Variants in TEC observed in about 807,000 individuals in gnomAD.
TEC encodes tec protein tyrosine kinase.
Under a neutral mutation model 93.0 loss-of-function variants are expected in TEC, and 72 were observed. That is an observed-to-expected ratio of 0.77 (90% confidence interval 0.64 to 0.94). The LOEUF (loss-of-function observed/expected upper bound fraction) is 0.94, where lower values mean the gene tolerates loss of function less well. Among genes scored for constraint, TEC ranks in the 40% least tolerant of loss-of-function variants. TEC has a pLI of 0.00. For synonymous variants in TEC, 249 were observed against 247.7 expected (o/e 1.01, Z -0.05); for missense variants, 630 against 757.9 (o/e 0.83, Z 1.98).
chr4:48,161,106 G>A (rs1022494107), intron 8 of TEC, among the ~76,000 whole-genome samples: 2 of 152,094 alleles, frequency 1.3e-5, no homozygotes, highest in African/African-American at 4.8e-5. Context: ...GAAGAGGTTT[G>A]AGGGCATTTC....
intron 1 of TEC, among the ~76,000 whole-genome samples, chr4:48,261,197 A>G (rs12510449): frequency 6.6e-6 from 1 of 151,956 alleles, no homozygotes; most frequent in Non-Finnish European, 1.5e-5. Context: ...TAAGTATGTG[A>G]CAAAGACACT....
At chr4:48,260,679 A>AC (rs1724478301) in intron 1 of TEC, among the ~76,000 whole-genome samples, 9 of 152,224 alleles carry the variant, frequency 5.9e-5, no homozygotes, top group Admixed American at 4.6e-4. Flanking sequence ...CCGTATGCTA[A>AC]CATGACAGAA....
rs546488170 is a variant in TEC, at chr4:48,197,087, G to A, written c.139-20901C>T. Among the ~76,000 whole-genome samples, 14 of 152,302 alleles carry A rather than the reference G, an allele frequency of 9.2e-5. No homozygotes were observed. The South Asian group carries it at 2.1e-3, about 23-fold the overall frequency. On this transcript the variant is annotated intron_variant, in intron 2 of 17. Coordinates refer to ENST00000381501, the MANE Select transcript of TEC (RefSeq NM_003215.3). The stretch of plus-strand genomic sequence containing the variant: ...TAATGTTACAAAGACATATTTTGCC[G>A]GTTTGTCAGGCTGTCTTGACGGCTA...
chr4:48,142,694 A>G (rs913261304), intron 14 of TEC, among the ~76,000 whole-genome samples: 5 of 151,936 alleles, frequency 3.3e-5, no homozygotes, highest in Admixed American at 3.3e-4. Context: ...TTAATTTTTT[A>G]TTTTTGAAAC....
intron 1 of TEC, among the ~76,000 whole-genome samples, chr4:48,268,198 A>C (rs957345227): frequency 2.3e-4 from 35 of 152,352 alleles, no homozygotes; most frequent in African/African-American, 7.9e-4. Context: ...AAAATGCTAG[A>C]GCATACATTA....
chr4:48,206,820 A>G (rs1267704443), intron 2 of TEC, among the ~76,000 whole-genome samples: 1 of 151,208 alleles, frequency 6.6e-6, no homozygotes, highest in Non-Finnish European at 1.5e-5. Flanking sequence ...TTAGTTGGGC[A>G]CGGTGATATG....
chr4:48,203,577 T>C (rs757826889), intron 2 of TEC, among the ~76,000 whole-genome samples: 18 of 152,032 alleles, frequency 1.2e-4, no homozygotes, highest in Non-Finnish European at 1.6e-4. Context: ...TGGGGTCAGG[T>C]GCAGGAAACT....
intron 2 of TEC, among the ~76,000 whole-genome samples, chr4:48,224,410 C>T (rs1325330899): frequency 3.3e-5 from 5 of 151,958 alleles, no homozygotes; most frequent in African/African-American, 1.2e-4. Context: ...GATCAAACTC[C>T]AGTGCTGCTC....
Position 48,149,479 on chromosome 4 carries a change from G to C in TEC, c.1006+78C>G, listed in dbSNP as rs142685683. 8,383 of 1,367,854 alleles carry C rather than the reference G, an allele frequency of 6.1e-3. 37 individuals carry two copies. Among genetic ancestry groups the C allele is most frequent in the Middle Eastern group, 0.015 (68 of 4,412 alleles). The allele number at this position is 1,367,854 out of a possible 1,614,324, so 84.7% of individuals were successfully genotyped here. ...AATGAACTAACTATAAAATAAAACT[G>C]CTCAAGGAATTAATCACAGTATCTG... On this transcript the variant is annotated intron_variant, in intron 11 of 17. Coordinates refer to ENST00000381501, the MANE Select transcript of TEC (RefSeq NM_003215.3).
intron 3 of TEC, among the ~76,000 whole-genome samples, chr4:48,172,775 G>A (rs1181527060): frequency 2.0e-5 from 3 of 152,164 alleles, no homozygotes; most frequent in Non-Finnish European, 4.4e-5. Context: ...ATATCAGAGC[G>A]ATAAAGTGCT....
intron 1 of TEC, among the ~76,000 whole-genome samples, chr4:48,240,464 G>A (rs1723896548): frequency 6.6e-6 from 1 of 152,062 alleles, no homozygotes. Context: ...ACCTTCCAAT[G>A]GTCCCGGTGA....
At chr4:48,179,550 A>C (rs1292641860) in intron 2 of TEC, among the ~76,000 whole-genome samples, 1 of 151,128 alleles carries the variant, frequency 6.6e-6, no homozygotes, top group Non-Finnish European at 1.5e-5. Flanking sequence ...CACCACGCCC[A>C]GCTAAATTTT....
chr4:48,165,380 A>G (rs1296498723), intron 7 of TEC, among the ~76,000 whole-genome samples: 2 of 152,248 alleles, frequency 1.3e-5, no homozygotes, highest in Non-Finnish European at 2.9e-5. Flanking sequence ...CTGGTATATG[A>G]GGCAGTTCTT....
chr4:48,184,933 T>C (rs555105549), intron 2 of TEC, among the ~76,000 whole-genome samples: 6 of 152,302 alleles, frequency 3.9e-5, no homozygotes, highest in Non-Finnish European at 8.8e-5. Flanking sequence ...TCACGACAAT[T>C]TGTATTTAGT....
intron 3 of TEC, 127 bp from the exon 4 acceptor site, chr4:48,171,576 T>A (rs1378998187): frequency 4.8e-6 from 3 of 620,004 alleles, no homozygotes; most frequent in East Asian, 3.0e-5. Context: ...AATAACTTCA[T>A]ATCCAGAAAA....
chr4:48,149,324 T>C (rs1720059956), intron 11 of TEC, among the ~76,000 whole-genome samples: 1 of 152,204 alleles, frequency 6.6e-6, no homozygotes, highest in African/African-American at 2.4e-5. Context: ...ACATTTACTA[T>C]ATACCACTGG....
intron 2 of TEC, among the ~76,000 whole-genome samples, chr4:48,189,084 AG>A (rs1404841403): frequency 2.6e-5 from 4 of 152,232 alleles, no homozygotes; most frequent in Admixed American, 2.0e-4. Context: ...ATTGTGTCTA[AG>A]GAAAAAAACA....
chr4:48,159,886 G>A (rs1046826445), intron 8 of TEC, among the ~76,000 whole-genome samples: 1 of 152,154 alleles, frequency 6.6e-6, no homozygotes, highest in Non-Finnish European at 1.5e-5. Context: ...CTAAGCGTGA[G>A]AACTCACTTC....
At chr4:48,179,557 T>G (rs1026705313) in intron 2 of TEC, among the ~76,000 whole-genome samples, 1 of 151,252 alleles carries the variant, frequency 6.6e-6, no homozygotes, top group African/African-American at 2.4e-5. Context: ...CCCAGCTAAA[T>G]TTTGTATTTT....
Sources: allele counts gnomAD v4.1 joint callset (sites outside exome capture counted in the v4.1 genomes callset), GRCh38; gene constraint gnomAD v4.1.1; transcripts MANE v1.5; gene names NCBI Gene and HGNC (gene_info 2026-07-23, HGNC 2026-07-21).